Variants in ARMH3 observed in about 807,000 individuals in gnomAD.
ARMH3 encodes the protein armadillo like helical domain containing 3, also known as armadillo-like helical domain-containing protein 3.
Under a neutral mutation model 99.1 loss-of-function variants are expected in ARMH3, and 60 were observed. That is an observed-to-expected ratio of 0.61 (90% CI 0.49 to 0.75). The LOEUF (loss-of-function observed/expected upper bound fraction) is 0.75. Among genes scored for constraint, ARMH3 ranks in the 30% least tolerant of loss-of-function variants. ARMH3 has a pLI of 0.00. For synonymous variants in ARMH3, 285 were observed against 292.8 expected (o/e 0.97, Z 0.27); for missense variants, 679 against 843.1 (o/e 0.81, Z 2.41).
chr10:101,956,869 C>T, intron 21 of ARMH3, 146 bp from the exon 22 acceptor site: 3 of 614,274 alleles, frequency 4.9e-6, no homozygotes, highest in Non-Finnish European at 7.2e-6. Context: ...TTAAACACAG[C>T]CATTATTAAA....
At chr10:101,889,061 G>A (rs186084478) in intron 24 of ARMH3, among the ~76,000 whole-genome samples, 34 of 152,192 alleles carry the variant, frequency 2.2e-4, no homozygotes, top group Non-Finnish European at 3.2e-4. Context: ...TTTCTAATTG[G>A]CAGTTTCATC....
At chr10:101,930,424 C>T (rs1423399355) in intron 23 of ARMH3, among the ~76,000 whole-genome samples, 2 of 151,570 alleles carry the variant, frequency 1.3e-5, no homozygotes, top group Non-Finnish European at 3.0e-5. Context: ...AGCAGTTTTG[C>T]CATTACTTTT....
At chr10:101,937,111 A>G (rs1225271193) in intron 23 of ARMH3, among the ~76,000 whole-genome samples, 1 of 152,222 alleles carries the variant, frequency 6.6e-6, no homozygotes, top group African/African-American at 2.4e-5. Context: ...ATTCCTTTCA[A>G]TACATCATGG....
At position 101,925,346 on chromosome 10, in the gene ARMH3, C is replaced by T. The variant is rs544778008; in HGVS notation, c.1781+14517G>A. ...GAATGCTTATTTGGTATAAGGCAGA[C>T]CCTAACACCATATTTTAGGAGATAA... On this transcript the variant is annotated intron_variant, in intron 23 of 25. Coordinates refer to ENST00000370033, the MANE Select transcript of ARMH3 (RefSeq NM_024541.3). Among the ~76,000 whole-genome samples the T allele has an allele frequency of 3.3e-5, 5 of 152,256 alleles. No homozygotes were observed. The South Asian group carries it at 8.3e-4, about 25-fold the overall frequency.
chr10:101,979,769 A>G (rs998747511), intron 19 of ARMH3, among the ~76,000 whole-genome samples: 11 of 152,218 alleles, frequency 7.2e-5, no homozygotes, highest in Admixed American at 6.5e-5. Flanking sequence ...TTAAGCCATT[A>G]AATGTCCACT....
At chr10:101,940,992 G>A (rs1280199222) in intron 22 of ARMH3, among the ~76,000 whole-genome samples, 1 of 152,210 alleles carries the variant, frequency 6.6e-6, no homozygotes, top group Non-Finnish European at 1.5e-5. Flanking sequence ...AATATGCAGA[G>A]AGCTTACTAT....
At chr10:102,004,287 T>C (rs1253009579) in intron 14 of ARMH3, among the ~76,000 whole-genome samples, 2 of 152,144 alleles carry the variant, frequency 1.3e-5, no homozygotes, top group Admixed American at 6.5e-5. Flanking sequence ...GTTGTAATAC[T>C]TAGGAACCCT....
intron 20 of ARMH3, among the ~76,000 whole-genome samples, chr10:101,958,496 T>A (rs1005934710): frequency 1.3e-5 from 2 of 152,220 alleles, no homozygotes; most frequent in African/African-American, 4.8e-5. Context: ...AGTTACCTTA[T>A]ACTCATTCAC....
At chr10:102,004,309 T>C (rs553043549) in intron 14 of ARMH3, among the ~76,000 whole-genome samples, 22 of 151,958 alleles carry the variant, frequency 1.4e-4, no homozygotes, top group Admixed American at 2.6e-4. Context: ...CAGAAGGAAA[T>C]GAGTTAGGAG....
At chr10:101,916,993 G>C (rs1186979205) in intron 23 of ARMH3, among the ~76,000 whole-genome samples, 1 of 152,162 alleles carries the variant, frequency 6.6e-6, no homozygotes, top group Non-Finnish European at 1.5e-5. Context: ...GAAGCCTACA[G>C]CATCAGCTCC....
At chr10:101,987,091 C>G (rs1050447982) in intron 19 of ARMH3, among the ~76,000 whole-genome samples, 26 of 152,104 alleles carry the variant, frequency 1.7e-4, no homozygotes, top group African/African-American at 6.3e-4. Context: ...GATAATATAC[C>G]TGTAACTTTA....
intron 20 of ARMH3, among the ~76,000 whole-genome samples, chr10:101,963,608 T>C (rs1845404947): frequency 6.6e-6 from 1 of 152,046 alleles, no homozygotes; most frequent in South Asian, 2.1e-4. Flanking sequence ...TTTATTTATT[T>C]TTGTTTTTGA....
chr10:101,975,604 G>A (rs557631722), intron 19 of ARMH3, among the ~76,000 whole-genome samples: 4 of 152,152 alleles, frequency 2.6e-5, no homozygotes, highest in East Asian at 1.9e-4. Flanking sequence ...GGTGGTGCAC[G>A]CCTGTAATCC....
intron 9 of ARMH3, 78 bp from the exon 10 acceptor site, chr10:102,012,954 A>C: frequency 7.8e-7 from 1 of 1,278,708 alleles, no homozygotes; most frequent in Non-Finnish European, 1.1e-6. Context: ...ACAAGGTCAG[A>C]AAGAACACTA....
intron 25 of ARMH3, among the ~76,000 whole-genome samples, chr10:101,848,498 G>C (rs946299650): frequency 4.0e-5 from 6 of 150,038 alleles, no homozygotes; most frequent in African/African-American, 1.5e-4. Flanking sequence ...AGGGGAAGGA[G>C]GAGGAGAGTG....
chr10:101,940,131 GT>G (rs1844172249), intron 22 of ARMH3, among the ~76,000 whole-genome samples, 193 bp from the exon 23 acceptor site: 1 of 152,210 alleles, frequency 6.6e-6, no homozygotes, highest in African/African-American at 2.4e-5. Context: ...TTTCACTCCA[GT>G]TTTTTCTCTA....
chr10:101,902,409 C>T (rs2068003686), intron 23 of ARMH3, among the ~76,000 whole-genome samples: 1 of 152,128 alleles, frequency 6.6e-6, no homozygotes, highest in African/African-American at 2.4e-5. Flanking sequence ...ACCGATACAT[C>T]TCTAACTTAT....
chr10:102,015,562 GTA>G (rs994285143), intron 8 of ARMH3, among the ~76,000 whole-genome samples: 6 of 152,010 alleles, frequency 3.9e-5, no homozygotes, highest in African/African-American at 1.4e-4. Flanking sequence ...AGCTAATTTT[GTA>G]TTTTTAGTAG....
At chr10:101,931,841 T>C (rs1030359990) in intron 23 of ARMH3, among the ~76,000 whole-genome samples, 21 of 152,172 alleles carry the variant, frequency 1.4e-4, no homozygotes, top group African/African-American at 4.6e-4. Context: ...CCTGATGACA[T>C]TGGATTTGGC....
Sources: allele counts gnomAD v4.1 joint callset (sites outside exome capture counted in the v4.1 genomes callset), GRCh38; gene constraint gnomAD v4.1.1; transcripts MANE v1.5; gene names NCBI Gene and HGNC (gene_info 2026-07-23, HGNC 2026-07-21).